Variants in SOCS6 observed in about 807,000 individuals in gnomAD.
SOCS6 encodes the protein STAT induced STAT inhibitor-4.
SOCS6 carries 5 observed loss-of-function variants against 27.7 expected under a neutral mutation model. The observed-to-expected ratio is 0.18, with a 90% CI of 0.09 to 0.38. SOCS6 has a LOEUF of 0.38. Ranked by LOEUF, SOCS6 falls within the 10% of genes least tolerant of loss-of-function variation. SOCS6 has a pLI of 1.00. For missense variants in SOCS6, 595 were observed against 688.1 expected (o/e 0.86, Z 1.51); for synonymous variants, 271 against 260.0 (o/e 1.04, Z -0.41).
chr18:70,310,376 G>A (rs1489213195), intron 1 of SOCS6, among the ~76,000 whole-genome samples: 1 of 151,232 alleles, frequency 6.6e-6, no homozygotes, highest in Non-Finnish European at 1.5e-5. Flanking sequence ...TTCCTTTCCA[G>A]GCTTGGGTGA....
chr18:70,310,499 G>A (rs1426095440), intron 1 of SOCS6, among the ~76,000 whole-genome samples: 1 of 143,598 alleles, frequency 7.0e-6, no homozygotes, highest in African/African-American at 2.6e-5. Flanking sequence ...GCAGAGACAG[G>A]ATCTTCCTGT....
At chr18:70,312,298 A>G (rs2062393806) in intron 1 of SOCS6, among the ~76,000 whole-genome samples, 2 of 152,128 alleles carry the variant, frequency 1.3e-5, no homozygotes, top group Non-Finnish European at 1.5e-5. Flanking sequence ...TAGGTCAATG[A>G]TCAAGTAATG....
rs899369539 is a variant in SOCS6, at chr18:70,327,340, T to C, written c.*1064T>C. On this transcript the variant is annotated 3_prime_UTR_variant, in exon 2 of 2. Coordinates refer to ENST00000397942, the MANE Select transcript of SOCS6 (RefSeq NM_004232.4). ...TTTAAAGTTGGATTTATATTTTTCTTCTATGTAGTTACTATAAAAGTGTGC... is the reference window on the plus strand; with the variant it reads ...TTTAAAGTTGGATTTATATTTTTCTCCTATGTAGTTACTATAAAAGTGTGC... The C allele has an allele frequency of 1.2e-5, 2 of 166,772 alleles. No homozygotes were observed. The highest frequency in any genetic ancestry group is 1.5e-5 in the Non-Finnish European group (1 of 68,070). The allele number at this position is 166,772 out of a possible 1,614,324, so 10.3% of individuals were successfully genotyped here.
chr18:70,305,548 G>T (rs2062365681), intron 1 of SOCS6, among the ~76,000 whole-genome samples: 1 of 152,054 alleles, frequency 6.6e-6, no homozygotes, highest in African/African-American at 2.4e-5. Context: ...TTTCAAAATT[G>T]CATTTCAATA....
At position 70,325,710 on chromosome 18, in the gene SOCS6, C is replaced by A; in HGVS notation, c.1042C>A (p.Pro348Thr). 6.2e-7 allele frequency: 1 copy of A among 1,614,154 alleles called. No individual in the cohort carries two copies. Among genetic ancestry groups the A allele is most frequent in the Non-Finnish European group, 8.5e-7 (1 of 1,180,014 alleles). ...TATGCGCTGTCATTTGAATTTTGAT[C>A]CGAACTCTGCTCCTGGGGTTGCAAG... Reference protein sequence around the residue: ...ESMRCHLNFDPNSAPGVARVY... With the variant: ...ESMRCHLNFDTNSAPGVARVY... Residue 348 changes from proline (P) to threonine (T), a missense_variant, in exon 2 of 2, where the codon CCG (proline) becomes ACG (threonine). This residue lies in a region of SOCS6 where 467 missense variants were observed against 481.1 expected (regional missense o/e 0.97). Coordinates refer to ENST00000397942, the MANE Select transcript of SOCS6 (RefSeq NM_004232.4). This position sits in a 1 kb window ranked among gnomAD's most constrained non-coding sequence, Gnocchi z 6.3.
chr18:70,318,215 G>A (rs572875357), intron 1 of SOCS6, among the ~76,000 whole-genome samples: 5 of 151,936 alleles, frequency 3.3e-5, no homozygotes, highest in African/African-American at 9.6e-5. Context: ...TTGCCTGTAC[G>A]TGATTCTGCA....
At chr18:70,298,361 T>C (rs2062333223) in intron 1 of SOCS6, among the ~76,000 whole-genome samples, 1 of 152,198 alleles carries the variant, frequency 6.6e-6, no homozygotes, top group Non-Finnish European at 1.5e-5. Flanking sequence ...GTTAAAATAA[T>C]TTTGTTTACA....
intron 1 of SOCS6, among the ~76,000 whole-genome samples, chr18:70,294,728 G>A (rs567657757): frequency 2.6e-5 from 4 of 152,222 alleles, no homozygotes; most frequent in Non-Finnish European, 5.9e-5. Flanking sequence ...GGTGGTCACA[G>A]TGTTAGCAGC....
At chr18:70,289,310 A>G (rs2062287298) in intron 1 of SOCS6, among the ~76,000 whole-genome samples, 1 of 147,738 alleles carries the variant, frequency 6.8e-6, no homozygotes, top group Middle Eastern at 3.4e-3. Context: ...GGCGGGGGCC[A>G]GGGCCGGGGA....
chr18:70,326,955 TTGTC>T lies in SOCS6; in HGVS notation c.*681_*684del, dbSNP rs981423974. ...GTTGCCTTCGTTTTCATCTTCTAGT[TTGTC>T]TATTTTAATAAATGGCCTTACATTA... On this transcript the variant is annotated 3_prime_UTR_variant, in exon 2 of 2. Transcript: ENST00000397942. The T allele has an allele frequency of 6.0e-6, 1 of 166,776 alleles. No homozygotes were observed. The highest frequency in any genetic ancestry group is 2.4e-5 in the African/African-American group (1 of 41,472). The allele number at this position is 166,776 out of a possible 1,614,324, so 10.3% of individuals were successfully genotyped here. A position where few individuals can be genotyped will look rare whatever the true frequency, so the allele number is the denominator to read the frequency against.
At position 70,324,956 on chromosome 18, in the gene SOCS6, G is replaced by A; in HGVS notation, c.288G>A (p.Gly96=). The change falls in exon 2 of 2, where the codon GGG becomes GGA. Residue 96 remains glycine, a synonymous_variant. Transcript: ENST00000397942. ...KSKGKAGTPS[G]SSADEDTFSS... ...AAGGCAAGGCGGGCACACCCTCTGG[G>A]AGCTCTGCCGACGAGGACACCTTCT... 1 of 1,614,202 alleles carries A rather than the reference G, an allele frequency of 6.2e-7. No individual in the cohort carries two copies. The highest frequency in any genetic ancestry group is 8.5e-7 in the Non-Finnish European group (1 of 1,180,028).
Position 70,313,712 on chromosome 18 carries a change from C to G in SOCS6, c.-126-10831C>G, listed in dbSNP as rs567355347. ...GTCTCTTGGTCTATTTCTTGACTTT[C>G]TATTCTGTCATTTCCCTCCTCTAGC... On this transcript the variant is annotated intron_variant, in intron 1 of 1. Transcript: ENST00000397942. Among the ~76,000 whole-genome samples the G allele has an allele frequency of 5.3e-5, 8 of 152,240 alleles. No homozygotes were observed. The East Asian group carries it at 1.3e-3, about 26-fold the overall frequency.
In SOCS6 at chr18:70,323,364, A is replaced by G. The variant is rs75500005; in HGVS notation, c.-126-1179A>G. Among the ~76,000 whole-genome samples the G allele has an allele frequency of 6.8e-4, 103 of 152,336 alleles. 3 individuals are homozygous for G. The East Asian group carries it at 0.018, about 27-fold the overall frequency. ...TGGAACCAAGATTTTTTGCTGTGAA[A>G]TGACTTTCAGAAAGTCTTTACAGAA... On this transcript the variant is annotated intron_variant, in intron 1 of 1. Transcript: ENST00000397942.
intron 1 of SOCS6, among the ~76,000 whole-genome samples, chr18:70,321,392 C>T (rs1414721922): frequency 2.4e-5 from 3 of 123,942 alleles, no homozygotes; most frequent in Non-Finnish European, 4.7e-5. Context: ...GCAATCTTGG[C>T]TCACTGCAAC....
At position 70,326,468 on chromosome 18, in the gene SOCS6, A is replaced by G. The variant is rs894384402; in HGVS notation, c.*192A>G. The G allele has an allele frequency of 1.0e-5, 6 of 581,372 alleles. No homozygotes were observed. The highest frequency in any genetic ancestry group is 1.8e-5 in the Non-Finnish European group (6 of 324,410). The allele number at this position is 581,372 out of a possible 1,614,324, so 36.0% of individuals were successfully genotyped here. A position where few individuals can be genotyped will look rare whatever the true frequency, so the allele number is the denominator to read the frequency against. ...TCTTGGGTTTATTTTGGTTCTTTAAAAAAGGGAAGTCTTGAGGTTTTAGAG... is the reference window on the plus strand; with the variant it reads ...TCTTGGGTTTATTTTGGTTCTTTAAGAAAGGGAAGTCTTGAGGTTTTAGAG... On this transcript the variant is annotated 3_prime_UTR_variant, in exon 2 of 2. Coordinates refer to ENST00000397942, the MANE Select transcript of SOCS6 (RefSeq NM_004232.4).
intron 1 of SOCS6, among the ~76,000 whole-genome samples, chr18:70,299,117 C>T (rs1390464041): frequency 6.6e-6 from 1 of 151,992 alleles, no homozygotes; most frequent in Non-Finnish European, 1.5e-5. Flanking sequence ...AGCGACCCTC[C>T]GTCTTAAAAA....
intron 1 of SOCS6, among the ~76,000 whole-genome samples, chr18:70,319,356 C>G (rs899241862): frequency 6.6e-6 from 1 of 152,130 alleles, no homozygotes; most frequent in African/African-American, 2.4e-5. Context: ...GGATTCTTTG[C>G]TTTATGTTAA....
chr18:70,297,348 T>C (rs866005335), intron 1 of SOCS6, among the ~76,000 whole-genome samples: 16 of 115,798 alleles, frequency 1.4e-4, no homozygotes, highest in Admixed American at 3.2e-4. Context: ...ATCAGGAGGG[T>C]TTTTTTTTCC....
In SOCS6 at chr18:70,325,521, G is replaced by A. The variant is rs766296683; in HGVS notation, c.853G>A (p.Val285Met). The change falls in exon 2 of 2, where the codon GTG becomes ATG. Residue 285 changes from valine to methionine, a missense_variant. Physicochemically the swap from Val to Met is conservative, Grantham distance 21. Coordinates refer to ENST00000397942, the MANE Select transcript of SOCS6 (RefSeq NM_004232.4). The surrounding 1 kb of genome is among the most constrained non-coding windows in gnomAD (Gnocchi z 6.3). The stretch of plus-strand genomic sequence containing the variant: ...CCCAGAGATCTTCGTGGATCAGTCC[G>A]TGAATGGCTTGTTGATTGGCACCAC... ...VAPEIFVDQS[V>M]NGLLIGTTGV... 1.1e-5 allele frequency: 18 copies of A among 1,614,140 alleles called. No homozygotes were observed. The Admixed American group carries it at 2.5e-4, about 22-fold the overall frequency.
Sources: allele counts gnomAD v4.1 joint callset (sites outside exome capture counted in the v4.1 genomes callset), GRCh38; gene constraint gnomAD v4.1.1; regional missense constraint gnomAD v4.1.1; non-coding constraint Gnocchi (gnomAD v3.1); transcripts MANE v1.5; gene names NCBI Gene and HGNC (gene_info 2026-07-23, HGNC 2026-07-21).